The following INO80D variants were observed in gnomAD, a reference collection of about 807,000 sequenced individuals.
The protein encoded by INO80D is INO80 complex subunit D.
In INO80D, 21 loss-of-function variants were observed where a neutral mutation model predicts 87.6. The ratio of observed to expected loss-of-function variants is 0.24; its 90% CI spans 0.17 to 0.35. INO80D has a LOEUF of 0.35. INO80D is among the 10% of genes least tolerant of loss of function. The pLI is 1.00. For missense variants in INO80D, 982 were observed against 1,280.7 expected, an observed-to-expected ratio of 0.77 and a Z score of 3.56; for synonymous variants, 440 against 491.0, an observed-to-expected ratio of 0.90 and a Z score of 1.37.
At chr2:206,056,135 C>A (rs1689510781) in intron 4 of INO80D, 63 bp downstream of exon 4, 1 of 1,477,678 alleles carries the variant, frequency 6.8e-7, no homozygotes, top group Admixed American at 2.2e-5. Flanking sequence ...AAGGGAAGCT[C>A]CACACAACCG....
Position 206,004,930 on chromosome 2 carries a change from T to C in INO80D, c.2522A>G (p.Asp841Gly). The stretch of plus-strand genomic sequence containing the variant: ...TGTTGTGTGGGGAGAGGTGATATGG[T>C]CACTGTAGGGAGACGGCACATGCTC... ...DSEHVPSPYS[D>G]HITSPHTTSY... The change falls in exon 11 of 11, where the codon GAC (aspartate) becomes GGC (glycine). Residue 841 changes from aspartate to glycine, a missense_variant. Coordinates refer to ENST00000403263, the MANE Select transcript of INO80D (RefSeq NM_017759.5). The surrounding 1 kb of genome is among the most constrained non-coding windows in gnomAD (Gnocchi z 4.9). The C allele has an allele frequency of 3.1e-6, 5 of 1,613,952 alleles. No homozygotes were observed. The highest frequency in any genetic ancestry group is 4.2e-6 in the Non-Finnish European group (5 of 1,179,864).
rs1687942329 is a variant in INO80D, at chr2:206,003,563, TG to T, written c.*804del. 6.6e-6 allele frequency: 1 copy of T among 152,226 alleles called. No homozygotes were observed. Among genetic ancestry groups the T allele is most frequent in the Non-Finnish European group, 1.5e-5 (1 of 68,042 alleles). The allele number at this position is 152,226 out of a possible 1,614,324, so 9.4% of individuals were successfully genotyped here. A position where few individuals can be genotyped will look rare whatever the true frequency, so the allele number is the denominator to read the frequency against. ...AAGCTTTCTATGTTCTGTTTCTTCTTGGGCTAACTTTTAGCAGAAAAAGGTT... is the reference window on the plus strand; with the variant it reads ...AAGCTTTCTATGTTCTGTTTCTTCTTGGCTAACTTTTAGCAGAAAAAGGTT... On this transcript the variant is annotated 3_prime_UTR_variant, in exon 11 of 11. Transcript: ENST00000403263.
At chr2:206,009,856 T>TA in intron 8 of INO80D, 62 bp from the exon 9 acceptor site, 3 of 1,322,506 alleles carry the variant, frequency 2.3e-6, no homozygotes, top group Non-Finnish European at 3.1e-6. Flanking sequence ...GACAGCTACC[T>TA]AAAAAATACT....
Position 205,996,709 on chromosome 2 carries a change from A to G in INO80D, c.*7659T>C, listed in dbSNP as rs1687815573. On this transcript the variant is annotated 3_prime_UTR_variant, in exon 11 of 11. Transcript: ENST00000403263. Reference sequence around the variant, plus strand: ...ATAATACTTTTCAATCTTTCCATTGACAAGGCAAGTTCACATTCAGCAAAG... The same window carrying G: ...ATAATACTTTTCAATCTTTCCATTGGCAAGGCAAGTTCACATTCAGCAAAG... 1 of 152,128 alleles carries G rather than the reference A, an allele frequency of 6.6e-6. No individual in the cohort carries two copies. The highest frequency in any genetic ancestry group is 2.4e-5 in the African/African-American group (1 of 41,448). 9.4% of individuals were successfully genotyped at this position (152,128 alleles called of 1,614,324 possible). A position where few individuals can be genotyped will look rare whatever the true frequency, so the allele number is the denominator to read the frequency against.
chr2:206,051,239 T>C lies in INO80D; in HGVS notation c.965-4627A>G, dbSNP rs147224344. 2.2e-3 allele frequency among the ~76,000 whole-genome samples: 328 copies of C among 152,078 alleles called. 2 individuals are homozygous for C. The highest frequency in any genetic ancestry group is 7.1e-3 in the African/African-American group (293 of 41,500). ...TATTTCTTTTCTTTTCTTTTCTTTT[T>C]TTTTTCAGAGACGGGGTCTCAGCTC... is the stretch of plus-strand genomic sequence containing the variant. On this transcript the variant is annotated intron_variant, in intron 4 of 10. Transcript: ENST00000403263.
At chr2:206,009,969 A>G (rs1474151797) in intron 8 of INO80D, among the ~76,000 whole-genome samples, 175 bp from the exon 9 acceptor site, 1 of 152,136 alleles carries the variant, frequency 6.6e-6, no homozygotes, top group African/African-American at 2.4e-5. Flanking sequence ...CAAGATCTAC[A>G]TTTTAATATC....
At chr2:206,052,138 T>TA (rs1559454142) in intron 4 of INO80D, among the ~76,000 whole-genome samples, 1 of 152,224 alleles carries the variant, frequency 6.6e-6, no homozygotes, top group Non-Finnish European at 1.5e-5. Flanking sequence ...GAAGAGGACT[T>TA]ACACAACTGT....
chr2:206,008,938 C>G (rs1164125454), intron 9 of INO80D, among the ~76,000 whole-genome samples: 1 of 152,136 alleles, frequency 6.6e-6, no homozygotes. Context: ...AATGTTTAAC[C>G]CTGCCAAAAT....
At chr2:206,022,504 A>G (rs1033099085) in intron 6 of INO80D, among the ~76,000 whole-genome samples, 6 of 152,298 alleles carry the variant, frequency 3.9e-5, no homozygotes, top group Admixed American at 2.6e-4. Context: ...AAAATCTACT[A>G]CAGGATTCCC....
intron 1 of INO80D, among the ~76,000 whole-genome samples, chr2:206,070,221 G>A (rs1689925364): frequency 6.6e-6 from 1 of 150,614 alleles, no homozygotes; most frequent in Admixed American, 6.7e-5. Flanking sequence ...TTCGAGACCA[G>A]CCTGGCCAAC....
chr2:206,016,556 G>T (rs1285879568), intron 8 of INO80D, among the ~76,000 whole-genome samples: 3 of 152,184 alleles, frequency 2.0e-5, no homozygotes, highest in Non-Finnish European at 4.4e-5. Flanking sequence ...TGTTGGGAAG[G>T]CATGATTACA....
At chr2:206,025,051 C>G (rs895405395) in intron 6 of INO80D, among the ~76,000 whole-genome samples, 1 of 152,006 alleles carries the variant, frequency 6.6e-6, no homozygotes, top group South Asian at 2.1e-4. Flanking sequence ...CCATCGCACC[C>G]GGCCAACACT....
chr2:206,023,062 G>A (rs938298679), intron 6 of INO80D, among the ~76,000 whole-genome samples: 5 of 152,196 alleles, frequency 3.3e-5, no homozygotes, highest in Admixed American at 2.6e-4. Context: ...TTAGCCAGAC[G>A]TGGTAAAGGG....
intron 8 of INO80D, among the ~76,000 whole-genome samples, chr2:206,013,124 ATAT>A (rs1688222571): frequency 6.6e-6 from 1 of 152,100 alleles, no homozygotes; most frequent in South Asian, 2.1e-4. Context: ...TATAAAATAT[ATAT>A]TATTTTATGA....
rs778987231 is a variant in INO80D at position 206,046,626 on chromosome 2, G to A, written c.965-14C>T. The A allele has an allele frequency of 2.0e-6, 3 of 1,519,798 alleles. No individual in the cohort carries two copies. Among genetic ancestry groups the A allele is most frequent in the Non-Finnish European group, 2.7e-6 (3 of 1,103,484 alleles). The allele number at this position is 1,519,798 out of a possible 1,614,324, so 94.1% of individuals were successfully genotyped here. Reference sequence around the variant, plus strand: ...ACCAGTCCAAACCTGGGTTAGACAGGAGATATTGCAAATTAGAAAAAGTTT... The same window carrying A: ...ACCAGTCCAAACCTGGGTTAGACAGAAGATATTGCAAATTAGAAAAAGTTT... On this transcript the variant is annotated splice_polypyrimidine_tract_variant and intron_variant, in intron 4 of 10. Coordinates refer to ENST00000403263, the MANE Select transcript of INO80D (RefSeq NM_017759.5).
chr2:206,045,394 T>A (rs777506600), intron 5 of INO80D, among the ~76,000 whole-genome samples: 1 of 152,208 alleles, frequency 6.6e-6, no homozygotes, highest in Non-Finnish European at 1.5e-5. Context: ...TCCCTCTACA[T>A]TGCTGAATAT....
In INO80D at chr2:206,039,463, T is replaced by A. The variant is rs531900052; in HGVS notation, c.1073+7041A>T. Among the ~76,000 whole-genome samples, 125 of 152,118 alleles carry A rather than the reference T, an allele frequency of 8.2e-4. 6 individuals are homozygous for A. Among genetic ancestry groups the A allele is most frequent in the Non-Finnish European group, 3.8e-4 (26 of 68,008 alleles). On this transcript the variant is annotated intron_variant, in intron 5 of 10. Transcript: ENST00000403263. Reference sequence around the variant, plus strand: ...TCCTGCTATAGCTTAGGCTCTTGGTTCTGGGCTTAGTGGCATGGTTCCAGA... The same window carrying A: ...TCCTGCTATAGCTTAGGCTCTTGGTACTGGGCTTAGTGGCATGGTTCCAGA...
intron 3 of INO80D, among the ~76,000 whole-genome samples, chr2:206,060,919 C>T (rs1227153087): frequency 6.6e-6 from 1 of 152,092 alleles, no homozygotes; most frequent in African/African-American, 2.4e-5. Context: ...TTTCCCTTAT[C>T]TTGTTCTCAA....
In INO80D at chr2:205,995,255, C is replaced by T. The variant is rs937872433; in HGVS notation, c.*9113G>A. The T allele has an allele frequency of 6.6e-6, 1 of 152,146 alleles. No homozygotes were observed. Among genetic ancestry groups the T allele is most frequent in the Non-Finnish European group, 1.5e-5 (1 of 68,012 alleles). The allele number at this position is 152,146 out of a possible 1,614,324, so 9.4% of individuals were successfully genotyped here. ...AATGCACAAAGCTCCTCAAGTGAAT[C>T]TCCAGCTCTTTCTTACTCTCATGGG... On this transcript the variant is annotated 3_prime_UTR_variant, in exon 11 of 11. Transcript: ENST00000403263.
Sources: allele counts gnomAD v4.1 joint callset (sites outside exome capture counted in the v4.1 genomes callset), GRCh38; gene constraint gnomAD v4.1.1; non-coding constraint Gnocchi (gnomAD v3.1); transcripts MANE v1.5; gene names NCBI Gene and HGNC (gene_info 2026-07-23, HGNC 2026-07-21).